Variants in KLRG1 observed in about 807,000 individuals in gnomAD.
The protein encoded by KLRG1 is killer cell lectin-like receptor subfamily G member 1.
A neutral mutation model predicts 21.8 loss-of-function variants in KLRG1; 16 were observed. The observed-to-expected ratio is 0.73, with a 90% CI of 0.50 to 1.11. KLRG1 has a LOEUF of 1.11. KLRG1 is among the 50% of genes most tolerant of loss of function. The probability of loss-of-function intolerance (pLI) is 0.00; values close to 1 mark genes in which losing one functional copy is unlikely to be tolerated. For missense variants in KLRG1, 173 were observed against 218.3 expected (o/e 0.79, Z 1.31); for synonymous variants, 69 against 75.9 (o/e 0.91, Z 0.47).
chr12:9,085,005 C>G, the KLRG1 span, among the ~76,000 whole-genome samples: 6 of 151,988 alleles, frequency 3.9e-5, no homozygotes. Context: ...TATACATATC[C>G]AACATTGGAG....
At chr12:9,109,320 C>A in the KLRG1 span, 1 of 1,608,686 alleles carries the variant, frequency 6.2e-7, no homozygotes, top group Non-Finnish European at 8.5e-7. Context: ...AATGAACTCA[C>A]AGGCCACACA....
chr12:9,168,145 C>T, the KLRG1 span, among the ~76,000 whole-genome samples: 5 of 152,210 alleles, frequency 3.3e-5, no homozygotes, highest in East Asian at 3.9e-4. Context: ...TCTTATTGGG[C>T]GTTTTGCAAG....
At chr12:9,135,555 C>T in the KLRG1 span, 1 of 343,360 alleles carries the variant, frequency 2.9e-6, no homozygotes, top group South Asian at 2.9e-5. Context: ...TGGGCAGAAC[C>T]AGCCCTTCCA....
At chr12:9,112,802 C>G in the KLRG1 span, 1 of 432,360 alleles carries the variant, frequency 2.3e-6, no homozygotes, top group African/African-American at 2.0e-5. Context: ...AGTCTTGATT[C>G]AATTATACGC....
At chr12:9,107,373 TA>T in the KLRG1 span, 1 of 925,062 alleles carries the variant, frequency 1.1e-6, no homozygotes, top group Non-Finnish European at 1.6e-6. Context: ...CCCATTGTGC[TA>T]AGTTCATGAT....
chr12:9,112,087 C>T, the KLRG1 span: 13 of 1,457,416 alleles, frequency 8.9e-6, no homozygotes, highest in African/African-American at 1.4e-5. Flanking sequence ...CCTGGTCTTC[C>T]CTCAGCACAA....
the KLRG1 span, chr12:9,080,028 A>G: frequency 1.8e-6 from 2 of 1,088,960 alleles, no homozygotes; most frequent in Non-Finnish European, 2.6e-6. Context: ...GTAAATATTT[A>G]TGGGAAATAA....
At chr12:9,015,478 TA>T (rs2137471392), downstream of KLRG1, among the ~76,000 whole-genome samples, 1 of 152,232 alleles carries the variant, frequency 6.6e-6, no homozygotes. Flanking sequence ...TGTAAATAAA[TA>T]TGCACCTGAC....
At chr12:9,051,507 G>A in the KLRG1 span, among the ~76,000 whole-genome samples, 1 of 152,170 alleles carries the variant, frequency 6.6e-6, no homozygotes, top group African/African-American at 2.4e-5. Context: ...TCCTCTCCAC[G>A]CTTCCTGTCT....
the KLRG1 span, chr12:9,028,924 C>T: frequency 1.6e-6 from 1 of 633,960 alleles, no homozygotes. Flanking sequence ...AAACCCAAAG[C>T]CCCTGCAACC....
chr12:8,980,292 T>C (rs1475296683), intron 1 of KLRG1, among the ~76,000 whole-genome samples: 1 of 152,182 alleles, frequency 6.6e-6, no homozygotes, highest in Non-Finnish European at 1.5e-5. Context: ...TAATATATTG[T>C]TTCTGATATC....
the KLRG1 span, among the ~76,000 whole-genome samples, chr12:9,063,964 A>C: frequency 1.3e-5 from 2 of 152,236 alleles, no homozygotes; most frequent in Admixed American, 6.5e-5. Context: ...ACAAAGAAAA[A>C]AACTAGAACC....
At chr12:9,079,652 G>A in the KLRG1 span, 2 of 1,613,122 alleles carry the variant, frequency 1.2e-6, no homozygotes, top group South Asian at 2.2e-5. Context: ...TGTTGAGATA[G>A]CCAATGGCCT....
intron 1 of KLRG1, among the ~76,000 whole-genome samples, chr12:8,953,274 G>A (rs1946236339): frequency 6.6e-6 from 1 of 152,212 alleles, no homozygotes; most frequent in Non-Finnish European, 1.5e-5. Flanking sequence ...CCTGCAGTCA[G>A]GTGGTTTCTC....
At chr12:9,213,795 A>G in the KLRG1 span, among the ~76,000 whole-genome samples, 2 of 152,062 alleles carry the variant, frequency 1.3e-5, no homozygotes, top group Non-Finnish European at 2.9e-5. Context: ...CTCTTCATGC[A>G]TGATAGCGTC....
the KLRG1 span, chr12:9,074,642 G>A: frequency 2.2e-5 from 36 of 1,613,932 alleles, no homozygotes; most frequent in Non-Finnish European, 2.9e-5. Flanking sequence ...CAGGTCCTCC[G>A]AGGTTGGGGC....
the KLRG1 span, among the ~76,000 whole-genome samples, chr12:9,137,940 T>C: frequency 1.3e-5 from 2 of 152,142 alleles, no homozygotes; most frequent in African/African-American, 4.8e-5. Context: ...GGATTTTTAA[T>C]ACATAATATA....
At chr12:9,163,918 A>C in the KLRG1 span, 1 of 1,302,570 alleles carries the variant, frequency 7.7e-7, no homozygotes, top group South Asian at 1.5e-5. Context: ...CCACAAGGTT[A>C]ATGTATACTA....
At chr12:9,125,726 TTTTG>T in the KLRG1 span, among the ~76,000 whole-genome samples, 175 of 152,264 alleles carry the variant, frequency 1.1e-3, 1 homozygote, top group East Asian at 8.3e-3. Context: ...TATGTATATT[TTTTG>T]TTTGTTTGTT....
Sources: allele counts gnomAD v4.1 joint callset (sites outside exome capture counted in the v4.1 genomes callset), GRCh38; gene constraint gnomAD v4.1.1; transcripts MANE v1.5; gene names NCBI Gene and HGNC (gene_info 2026-07-23, HGNC 2026-07-21).